TAF6: variants seen among roughly 807,000 people sequenced by gnomAD.
The protein encoded by TAF6 is transcription initiation factor TFIID subunit 6.
TAF6 carries 50 observed loss-of-function variants against 73.5 expected under a neutral mutation model. The observed-to-expected ratio is 0.68, with a 90% CI of 0.54 to 0.86. The LOEUF (loss-of-function observed/expected upper bound fraction) is 0.86, where lower values mean the gene tolerates loss of function less well. TAF6 is among the 40% of genes least tolerant of loss of function. The pLI is 0.00. For synonymous variants in TAF6, 424 were observed against 376.7 expected (o/e 1.13, Z -1.45); for missense variants, 768 against 899.5 (o/e 0.85, Z 1.87).
In TAF6 at chr7:100,119,333, C is replaced by A; in HGVS notation, c.-189G>T. 2.9e-6 allele frequency: 3 copies of A among 1,033,672 alleles called. No individual in the cohort carries two copies. The highest frequency in any genetic ancestry group is 3.5e-6 in the Non-Finnish European group (3 of 858,870). The allele number at this position is 1,033,672 out of a possible 1,614,324, so 64.0% of individuals were successfully genotyped here. ...GGCAGCCGAGACGCTGCTCACCCGG[C>A]GCTCGGCGCCATCTTGGCCCCGCCC... On this transcript the variant is annotated 5_prime_UTR_variant, in exon 1 of 15. Coordinates refer to ENST00000453269, the MANE Select transcript of TAF6 (RefSeq NM_139315.3).
chr7:100,119,403 C>A (rs562542143), upstream of TAF6: 196 of 1,158,350 alleles, frequency 1.7e-4, 3 homozygotes, highest in South Asian at 4.0e-3. Flanking sequence ...CAAGTCACTG[C>A]CCCTTCCCCG....
At chr7:100,119,874 G>T, upstream of TAF6, 1 of 1,606,936 alleles carries the variant, frequency 6.2e-7, no homozygotes, top group Non-Finnish European at 8.5e-7. Context: ...TATTTGAAGG[G>T]GGTAGCCCCT....
upstream of TAF6, chr7:100,124,488 C>G: frequency 6.4e-7 from 1 of 1,551,690 alleles, no homozygotes; most frequent in Non-Finnish European, 8.9e-7. Flanking sequence ...AGAGCAGATA[C>G]TCTTCTGGCC....
chr7:100,107,833 C>G, intron 14 of TAF6, 93 bp downstream of exon 14: 1 of 1,473,236 alleles, frequency 6.8e-7, no homozygotes, highest in Middle Eastern at 2.0e-4. Context: ...ACTTGGGGCC[C>G]AGAGGGGACT....
upstream of TAF6, chr7:100,119,386 C>T (rs1440650130): frequency 8.9e-7 from 1 of 1,118,816 alleles, no homozygotes; most frequent in Non-Finnish European, 1.1e-6. Flanking sequence ...CTGGCAGAGC[C>T]TAAGAGCAAG....
At chr7:100,113,066 A>G in intron 5 of TAF6, 149 bp from the exon 6 acceptor site, 1 of 1,201,702 alleles carries the variant, frequency 8.3e-7, no homozygotes, top group Non-Finnish European at 1.2e-6. Context: ...GAAGTTCGAG[A>G]CCAGCCTGGC....
Position 100,112,901 on chromosome 7 carries a change from C to T in TAF6, c.471G>A (p.Gln157=), listed in dbSNP as rs1209209695. ...TCAGGGGTTCTGTGGCTTCAGCCTT[C>T]TGTTGCTCTTTGGGAGCTGGTGGGA... ...ENPPPAPKEQ[Q]KAEATEPLKS... The change falls in exon 6 of 15, where the codon CAG becomes CAA. Residue 157 remains glutamine (Q), a synonymous_variant. Transcript: ENST00000453269. The T allele has an allele frequency of 6.2e-7, 1 of 1,613,042 alleles. No individual in the cohort carries two copies. The highest frequency in any genetic ancestry group is 1.1e-5 in the South Asian group (1 of 91,034).
chr7:100,124,431 G>C (rs1257461293), upstream of TAF6: 1 of 1,081,804 alleles, frequency 9.2e-7, no homozygotes, highest in African/African-American at 1.6e-5. Flanking sequence ...TCCAAAATCA[G>C]TCAGGTTGAG....
rs771325786 is a variant in TAF6, at chr7:100,112,115, T to C, written c.713A>G (p.Lys238Arg). ...AGCTGGTGGGGCCCTCACCGCCCTC[T>C]TGGCCTCGCAGGAGCCCACGCAGGC... Reference protein sequence around the residue: ...TEACVGSCEAKRAEALQSIAT... With the variant: ...TEACVGSCEARRAEALQSIAT... Residue 238 changes from lysine (K) to arginine (R), a missense_variant, in exon 7 of 15, where the codon AAG becomes AGG. Physicochemically the swap from Lys to Arg is conservative, Grantham distance 26. This residue lies in a region of TAF6 where 78 missense variants were observed against 153.4 expected (regional missense o/e 0.51). Transcript: ENST00000453269. 1.2e-6 allele frequency: 2 copies of C among 1,613,756 alleles called. No homozygotes were observed. Among genetic ancestry groups the C allele is most frequent in the East Asian group, 2.2e-5 (1 of 44,876 alleles).
chr7:100,119,670 T>A (rs1797964301), upstream of TAF6: 2 of 1,611,392 alleles, frequency 1.2e-6, no homozygotes, highest in African/African-American at 1.3e-5. Context: ...GCTAGCCGCC[T>A]GGGAATTTAA....
At chr7:100,111,616 G>T (rs925381370) in intron 9 of TAF6, 112 bp downstream of exon 9, 2 of 1,165,656 alleles carry the variant, frequency 1.7e-6, no homozygotes, top group Non-Finnish European at 2.5e-6. Context: ...TCCCACTTCG[G>T]CCTCCCAAAG....
Position 100,107,999 on chromosome 7 carries a change from G to A in TAF6, c.1583C>T (p.Pro528Leu), listed in dbSNP as rs1327133535. The change falls in exon 14 of 15, where the codon CCA becomes CTA. Residue 528 changes from proline (P) to leucine (L), a missense_variant. Transcript: ENST00000453269. ...GGTTGGAGGAGGGGAAGGCTGTGGT[G>A]GGGCAGCCGCTCGTGCAGACACCAG... ...QTLVSARAAA[P>L]PQPSPPPTKF... 5 of 1,613,902 alleles carry A rather than the reference G, an allele frequency of 3.1e-6. No homozygotes were observed. In the Admixed American group the frequency reaches 8.3e-5, roughly 27 times the overall value.
At chr7:100,112,441 G>A (rs1443565877) in intron 6 of TAF6, among the ~76,000 whole-genome samples, 188 bp from the exon 7 acceptor site, 2 of 152,194 alleles carry the variant, frequency 1.3e-5, no homozygotes, top group Non-Finnish European at 2.9e-5. Context: ...GGCCTGGCAT[G>A]GTGGCTCACA....
At chr7:100,117,138 C>T (rs1185413430) in intron 1 of TAF6, among the ~76,000 whole-genome samples, 1 of 151,870 alleles carries the variant, frequency 6.6e-6, no homozygotes, top group African/African-American at 2.4e-5. Context: ...CCCAGATACT[C>T]GGGAGGCTGA....
upstream of TAF6, among the ~76,000 whole-genome samples, chr7:100,121,783 G>C (rs1311559433): frequency 6.6e-6 from 1 of 150,912 alleles, no homozygotes; most frequent in South Asian, 2.2e-4. Context: ...GGGCGTGGTG[G>C]CTCACGCCTG....
chr7:100,116,651 C>T (rs1445032204), intron 1 of TAF6: 1 of 152,008 alleles, frequency 6.6e-6, no homozygotes, highest in Non-Finnish European at 1.5e-5. Context: ...AAAACAACAA[C>T]AACAACAACA....
upstream of TAF6, chr7:100,122,686 C>A: frequency 1.3e-6 from 2 of 1,529,672 alleles, no homozygotes; most frequent in South Asian, 1.2e-5. Context: ...TGGAACTCAC[C>A]CTTGAATCTC....
At chr7:100,125,015 T>G in the TAF6 span, 28 of 1,130,940 alleles carry the variant, frequency 2.5e-5, no homozygotes, top group South Asian at 3.2e-5. Context: ...AGCTGTTCTC[T>G]CCCATCTAAC....
At chr7:100,124,807 G>C, upstream of TAF6, 1 of 1,609,878 alleles carries the variant, frequency 6.2e-7, no homozygotes, top group Non-Finnish European at 8.5e-7. Flanking sequence ...AGGAGGAGGA[G>C]GAGGAAGAGG....
Sources: allele counts gnomAD v4.1 joint callset (sites outside exome capture counted in the v4.1 genomes callset), GRCh38; gene constraint gnomAD v4.1.1; regional missense constraint gnomAD v4.1.1; transcripts MANE v1.5; gene names NCBI Gene and HGNC (gene_info 2026-07-23, HGNC 2026-07-21).